The following DOCK9 variants were observed in gnomAD, a reference collection of about 807,000 sequenced individuals.
DOCK9 encodes dedicator of cytokinesis 9.
Under a neutral mutation model 263.3 loss-of-function variants are expected in DOCK9, and 89 were observed. The observed-to-expected ratio is 0.34, with a 90% CI of 0.28 to 0.40. The LOEUF is 0.40. DOCK9 is among the 10% of genes least tolerant of loss of function. DOCK9 has a pLI of 1.00. For missense variants in DOCK9, 2,140 were observed against 2,603.4 expected, an observed-to-expected ratio of 0.82 and a Z score of 3.87; for synonymous variants, 976 against 973.1, an observed-to-expected ratio of 1.00 and a Z score of -0.06.
intron 20 of DOCK9, 61 bp downstream of exon 20, chr13:98,885,647 A>G: frequency 6.6e-7 from 1 of 1,512,268 alleles, no homozygotes; most frequent in Non-Finnish European, 8.9e-7. Flanking sequence ...GAATCTTAAT[A>G]CAATTTAAGA....
intron 27 of DOCK9, among the ~76,000 whole-genome samples, chr13:98,869,714 C>T (rs1254962832): frequency 2.6e-5 from 4 of 152,258 alleles, no homozygotes; most frequent in Non-Finnish European, 4.4e-5. Flanking sequence ...TTTACAGGGA[C>T]ACATGGCTGC....
intron 12 of DOCK9, 44 bp from the exon 13 acceptor site, chr13:98,901,944 A>G: frequency 6.3e-7 from 1 of 1,598,386 alleles, no homozygotes; most frequent in Non-Finnish European, 8.5e-7. Flanking sequence ...ATTCACAGCT[A>G]CGTTAAACAA....
At chr13:99,011,173 A>G (rs376329551) in intron 1 of DOCK9, among the ~76,000 whole-genome samples, 2 of 152,108 alleles carry the variant, frequency 1.3e-5, no homozygotes, top group East Asian at 3.9e-4. Flanking sequence ...CTGGGACTAC[A>G]GGCGTGTGCC....
At chr13:98,941,465 C>G (rs2055833749) in intron 2 of DOCK9, among the ~76,000 whole-genome samples, 1 of 152,188 alleles carries the variant, frequency 6.6e-6, no homozygotes, top group African/African-American at 2.4e-5. Context: ...TCTCAAATCC[C>G]TTAAATGGAA....
At chr13:98,851,856 G>C in intron 35 of DOCK9, among the ~76,000 whole-genome samples, 1 of 151,948 alleles carries the variant, frequency 6.6e-6, no homozygotes, top group East Asian at 1.9e-4. Flanking sequence ...CATGACCCTG[G>C]GAGTAGGAGA....
intron 1 of DOCK9, chr13:99,015,874 T>C (rs1326126984): frequency 1.2e-6 from 1 of 847,496 alleles, no homozygotes; most frequent in Non-Finnish European, 1.5e-6. Flanking sequence ...CTTTAAAGTA[T>C]CGTTTTTCTA....
intron 11 of DOCK9, 94 bp downstream of exon 11, chr13:98,902,878 G>C: frequency 8.4e-7 from 1 of 1,185,894 alleles, no homozygotes; most frequent in Non-Finnish European, 1.1e-6. Context: ...TGATACCAGG[G>C]ACTAGGATTT....
At chr13:98,845,294 C>T (rs757540634) in intron 38 of DOCK9, 1 of 1,344,454 alleles carries the variant, frequency 7.4e-7, no homozygotes, top group South Asian at 1.2e-5. Flanking sequence ...GTGAAGCAAC[C>T]TCATAAAGCA....
At chr13:99,052,782 T>C (rs1170126541) in intron 1 of DOCK9, among the ~76,000 whole-genome samples, 1 of 151,808 alleles carries the variant, frequency 6.6e-6, no homozygotes, top group Non-Finnish European at 1.5e-5. Context: ...TTTTTTTTTT[T>C]AAGTAGAGAC....
intron 1 of DOCK9, among the ~76,000 whole-genome samples, chr13:98,962,326 A>G (rs758136025): frequency 1.3e-5 from 2 of 152,250 alleles, no homozygotes; most frequent in Non-Finnish European, 1.5e-5. Flanking sequence ...TAAATTCTAA[A>G]TAAATGTTCA....
intron 50 of DOCK9, among the ~76,000 whole-genome samples, chr13:98,798,801 ATCT>A (rs1310203204): frequency 1.3e-5 from 2 of 152,202 alleles, no homozygotes; most frequent in African/African-American, 4.8e-5. Context: ...TATAAACTTA[ATCT>A]TCTCATTTCA....
rs893536285 is a variant in DOCK9, at chr13:98,793,856, A to G, written c.*770T>C. On this transcript the variant is annotated 3_prime_UTR_variant, in exon 53 of 53. Coordinates refer to ENST00000682017, the MANE Select transcript of DOCK9 (RefSeq NM_001366683.2). ...CACAAATTTATCACAATTAAACTTA[A>G]TGCATAAGCCCATGTGAGTATTAAA... 2 of 152,698 alleles carry G rather than the reference A, an allele frequency of 1.3e-5. No individual in the cohort carries two copies. Among genetic ancestry groups the G allele is most frequent in the African/African-American group, 4.8e-5 (2 of 41,480 alleles). The allele number at this position is 152,698 out of a possible 1,614,324, so 9.5% of individuals were successfully genotyped here. A position where few individuals can be genotyped will look rare whatever the true frequency, so the allele number is the denominator to read the frequency against.
chr13:98,874,328 C>A (rs2094270216), intron 27 of DOCK9, among the ~76,000 whole-genome samples: 1 of 152,204 alleles, frequency 6.6e-6, no homozygotes, highest in Non-Finnish European at 1.5e-5. Flanking sequence ...TACTTTGTTC[C>A]ATTTTATTAC....
chr13:98,990,022 C>T (rs1350164180), intron 1 of DOCK9, among the ~76,000 whole-genome samples: 1 of 152,216 alleles, frequency 6.6e-6, no homozygotes, highest in African/African-American at 2.4e-5. Context: ...CAGAACAAAA[C>T]CAACCCTAGT....
intron 1 of DOCK9, among the ~76,000 whole-genome samples, chr13:99,071,366 T>G (rs1256718343): frequency 7.0e-6 from 1 of 143,236 alleles, no homozygotes; most frequent in Non-Finnish European, 1.5e-5. Flanking sequence ...GAACTCCTGG[T>G]CTCAATCCAT....
rs2090909509 is a variant in DOCK9, at chr13:98,807,931, CT to C, written c.5368-125del. The C allele has an allele frequency of 6.7e-6, 5 of 746,550 alleles. No individual in the cohort carries two copies. The South Asian group carries it at 1.6e-4, about 24-fold the overall frequency. The allele number at this position is 746,550 out of a possible 1,614,324, so 46.2% of individuals were successfully genotyped here. A position where few individuals can be genotyped will look rare whatever the true frequency, so the allele number is the denominator to read the frequency against. ...GGTCTAAAAATCCTGCTGAAATGGG[CT>C]TTCTGAATGAGAAAGAAAATGCTAA... On this transcript the variant is annotated intron_variant, in intron 47 of 52. Coordinates refer to ENST00000682017, the MANE Select transcript of DOCK9 (RefSeq NM_001366683.2).
chr13:98,904,397 C>A lies in DOCK9; in HGVS notation c.1035+235G>T, dbSNP rs114861228. 3.1e-3 allele frequency among the ~76,000 whole-genome samples: 472 copies of A among 152,290 alleles called. 3 individuals carry two copies. The highest frequency in any genetic ancestry group is 0.011 in the African/African-American group (455 of 41,564). On this transcript the variant is annotated intron_variant, in intron 10 of 52. Coordinates refer to ENST00000682017, the MANE Select transcript of DOCK9 (RefSeq NM_001366683.2). ...ATGTTCTTTGTGAACTTGAGAATGT[C>A]TTTCAATAAATCTCTCCCAATTTTC...
chr13:99,065,925 C>A (rs753636433), intron 1 of DOCK9, among the ~76,000 whole-genome samples: 1 of 152,074 alleles, frequency 6.6e-6, no homozygotes, highest in East Asian at 1.9e-4. Flanking sequence ...GATGCATGTA[C>A]GAAATTTAAA....
chr13:99,044,602 T>G lies in DOCK9; in HGVS notation c.129+41621A>C, dbSNP rs1406868346. ...TTTCAAAGTGATACAGACTACTCAC[T>G]AACACTTTAAAAATGTGCAAATTTT... On this transcript the variant is annotated intron_variant, in intron 1 of 32. Transcript: ENST00000427887. 2.0e-5 allele frequency among the ~76,000 whole-genome samples: 3 copies of G among 152,278 alleles called. No homozygotes were observed. The East Asian group carries it at 5.8e-4, about 29-fold the overall frequency.
Sources: gnomAD v4.1 joint callset for allele counts (sites outside exome capture counted in the v4.1 genomes callset) on GRCh38, gnomAD v4.1.1 for gene constraint, MANE v1.5 for transcripts, NCBI Gene and HGNC (gene_info 2026-07-23, HGNC 2026-07-21) for gene names.